SLX4IP: variants seen among roughly 807,000 people sequenced by gnomAD.
SLX4IP encodes protein SLX4IP.
Under a neutral mutation model 32.9 loss-of-function variants are expected in SLX4IP, and 34 were observed. The observed-to-expected ratio is 1.03, with a 90% CI of 0.79 to 1.38. The LOEUF (loss-of-function observed/expected upper bound fraction) is 1.38, where lower values mean the gene tolerates loss of function less well. Among genes scored for constraint, SLX4IP ranks in the 40% most tolerant of loss-of-function variants. SLX4IP has a pLI of 0.00. For missense variants in SLX4IP, 444 were observed against 479.0 expected (o/e 0.93, Z 0.68); for synonymous variants, 172 against 171.7 (o/e 1.00, Z -0.01).
chr20:10,455,115 T>C (rs2065273908), intron 1 of SLX4IP, among the ~76,000 whole-genome samples: 1 of 152,202 alleles, frequency 6.6e-6, no homozygotes, highest in East Asian at 1.9e-4. Flanking sequence ...TTGAGTTCTT[T>C]ATATATTCTG....
chr20:10,530,962 T>G (rs1016547619), intron 2 of SLX4IP, among the ~76,000 whole-genome samples: 2 of 152,264 alleles, frequency 1.3e-5, no homozygotes, highest in Non-Finnish European at 2.9e-5. Flanking sequence ...AGCATATTTT[T>G]GTGAAGTCCT....
intron 4 of SLX4IP, among the ~76,000 whole-genome samples, chr20:10,573,552 G>A (rs2066490418): frequency 6.6e-6 from 1 of 152,220 alleles, no homozygotes; most frequent in Admixed American, 6.5e-5. Flanking sequence ...CAGTCACAGA[G>A]CAAGCTAGGT....
At chr20:10,547,509 T>G (rs1011705633) in intron 2 of SLX4IP, among the ~76,000 whole-genome samples, 220 of 152,314 alleles carry the variant, frequency 1.4e-3, no homozygotes, top group African/African-American at 5.1e-3. Context: ...AAAGAACTAG[T>G]CATCCATTTG....
At chr20:10,496,393 A>G (rs911993190) in intron 2 of SLX4IP, among the ~76,000 whole-genome samples, 2 of 152,140 alleles carry the variant, frequency 1.3e-5, no homozygotes, top group South Asian at 4.1e-4. Context: ...GAGTTTGCTC[A>G]TAATTCTTTT....
intron 2 of SLX4IP, among the ~76,000 whole-genome samples, chr20:10,497,174 T>C (rs2065674910): frequency 3.3e-5 from 5 of 152,162 alleles, no homozygotes; most frequent in Admixed American, 3.3e-4. Context: ...CTGTCCCTCA[T>C]TGATTGATTG....
intron 1 of SLX4IP, among the ~76,000 whole-genome samples, chr20:10,451,723 C>T (rs996860656): frequency 1.3e-5 from 2 of 151,772 alleles, no homozygotes; most frequent in African/African-American, 4.8e-5. Flanking sequence ...AATCCCAGCA[C>T]TTTGGGAGGC....
At chr20:10,513,960 G>T (rs1459731236) in intron 2 of SLX4IP, among the ~76,000 whole-genome samples, 1 of 152,136 alleles carries the variant, frequency 6.6e-6, no homozygotes, top group Non-Finnish European at 1.5e-5. Flanking sequence ...TCAAAGGGAG[G>T]GGAGTTGCCT....
chr20:10,498,134 G>T (rs566851008), intron 2 of SLX4IP, among the ~76,000 whole-genome samples: 1 of 148,228 alleles, frequency 6.7e-6, no homozygotes, highest in African/African-American at 2.5e-5. Context: ...ACAATTATTG[G>T]CATCCTAGAT....
At chr20:10,618,266 C>T (rs2067062689) in intron 6 of SLX4IP, among the ~76,000 whole-genome samples, 1 of 152,198 alleles carries the variant, frequency 6.6e-6, no homozygotes, top group Non-Finnish European at 1.5e-5. Flanking sequence ...GCCTAGGCTG[C>T]TTAGGTTGCT....
intron 6 of SLX4IP, among the ~76,000 whole-genome samples, chr20:10,612,482 C>A (rs373390185): frequency 6.6e-6 from 1 of 152,200 alleles, no homozygotes; most frequent in African/African-American, 2.4e-5. Context: ...TTGAATATGC[C>A]CTAAGACTAT....
At chr20:10,620,001 G>A (rs529934355) in intron 6 of SLX4IP, among the ~76,000 whole-genome samples, 60 of 152,358 alleles carry the variant, frequency 3.9e-4, no homozygotes, top group Non-Finnish European at 5.9e-4. Flanking sequence ...CAATTGAAGA[G>A]TGTGAAGAGC....
rs774799697 is a variant in SLX4IP at position 10,622,720 on chromosome 20, G to A, written c.568G>A (p.Val190Met). The A allele has an allele frequency of 1.2e-6, 2 of 1,614,010 alleles. No homozygotes were observed. Among genetic ancestry groups the A allele is most frequent in the Admixed American group, 1.7e-5 (1 of 60,022 alleles). ...TSKSQTRRDT[V>M]ETSSDSVIAE... Reference sequence around the variant, plus strand: ...CAAATCGCAGACCAGAAGAGACACTGTGGAAACATCTAGTGACTCAGTGAT... The same window carrying A: ...CAAATCGCAGACCAGAAGAGACACTATGGAAACATCTAGTGACTCAGTGAT... Residue 190 changes from valine to methionine, a missense_variant, in exon 8 of 8, where the codon GTG becomes ATG. Transcript: ENST00000334534.
chr20:10,550,092 A>C (rs1251729169), intron 2 of SLX4IP, among the ~76,000 whole-genome samples: 4 of 151,862 alleles, frequency 2.6e-5, no homozygotes, highest in Admixed American at 1.3e-4. Context: ...CATCTTCTTG[A>C]CTCTGATTGG....
chr20:10,458,341 G>T, intron 2 of SLX4IP, 110 bp downstream of exon 2: 3 of 1,125,470 alleles, frequency 2.7e-6, no homozygotes, highest in Non-Finnish European at 2.5e-6. Flanking sequence ...TTTACACTTG[G>T]GACTCTGCAA....
At chr20:10,597,278 A>T (rs1156640457) in intron 4 of SLX4IP, among the ~76,000 whole-genome samples, 1 of 152,134 alleles carries the variant, frequency 6.6e-6, no homozygotes, top group Non-Finnish European at 1.5e-5. Context: ...CCCTCACCCC[A>T]CTCTGGTGGA....
chr20:10,616,099 G>A (rs541730530), intron 6 of SLX4IP, among the ~76,000 whole-genome samples: 1 of 152,166 alleles, frequency 6.6e-6, no homozygotes, highest in South Asian at 2.1e-4. Context: ...GTTGGTAAAG[G>A]CCAACTTCCT....
intron 4 of SLX4IP, among the ~76,000 whole-genome samples, chr20:10,598,046 A>G (rs1405014017): frequency 3.9e-5 from 6 of 152,230 alleles, no homozygotes; most frequent in Non-Finnish European, 8.8e-5. Context: ...AGCAGTGAGT[A>G]TGAGAAGGTG....
intron 2 of SLX4IP, among the ~76,000 whole-genome samples, chr20:10,526,359 T>C (rs1387772926): frequency 6.6e-6 from 1 of 152,218 alleles, no homozygotes; most frequent in East Asian, 1.9e-4. Flanking sequence ...TTTAGGCAGG[T>C]GTATGAGAAT....
intron 4 of SLX4IP, among the ~76,000 whole-genome samples, chr20:10,589,733 T>C (rs917083079): frequency 1.3e-5 from 2 of 152,156 alleles, no homozygotes. Context: ...AAAACAACAT[T>C]CATCATATGA....
Sources: allele counts gnomAD v4.1 joint callset (sites outside exome capture counted in the v4.1 genomes callset), GRCh38; gene constraint gnomAD v4.1.1; transcripts MANE v1.5; gene names NCBI Gene and HGNC (gene_info 2026-07-23, HGNC 2026-07-21).